The following HERC4 variants were observed in gnomAD, a reference collection of about 807,000 sequenced individuals.
HERC4 encodes probable E3 ubiquitin-protein ligase HERC4.
In HERC4, 28 loss-of-function variants were observed where a neutral mutation model predicts 124.3. The observed-to-expected ratio is 0.23, with a 90% CI of 0.17 to 0.31. The LOEUF (loss-of-function observed/expected upper bound fraction) is 0.31, where lower values mean the gene tolerates loss of function less well. Ranked by LOEUF, HERC4 falls within the 10% of genes least tolerant of loss-of-function variation. The pLI, the probability that HERC4 is intolerant of heterozygous loss-of-function variation, is 1.00. For missense variants in HERC4, 713 were observed against 1,229.3 expected (o/e 0.58, Z 6.28); for synonymous variants, 407 against 421.5 (o/e 0.97, Z 0.42).
At chr10:68,039,606 T>C in intron 4 of HERC4, 2 of 1,433,136 alleles carry the variant, frequency 1.4e-6, no homozygotes, top group East Asian at 2.5e-5. Flanking sequence ...CTGAGAGCTG[T>C]ACTGCTACAA....
chr10:67,952,354 G>A (rs1211043021), intron 19 of HERC4, among the ~76,000 whole-genome samples: 1 of 152,040 alleles, frequency 6.6e-6, no homozygotes, highest in Non-Finnish European at 1.5e-5. Context: ...CGCGACCTTG[G>A]CTCACTGCAA....
Position 68,014,041 on chromosome 10 carries a change from A to G in HERC4, c.1054T>C (p.Cys352Arg). The change falls in exon 9 of 25, where the codon TGT (cysteine) becomes CGT (arginine). Residue 352 changes from cysteine to arginine, a missense_variant. Transcript: ENST00000373700. ...CAGAACTTACCAATATCTGGTAGAC[A>G]CTGCCCATTATAGGGGTACCAATTT... ...KGNWYPYNGQ[C>R]LPDIDSEEYF... 1 of 1,608,836 alleles carries G rather than the reference A, an allele frequency of 6.2e-7. No individual in the cohort carries two copies. Among genetic ancestry groups the G allele is most frequent in the Non-Finnish European group, 8.5e-7 (1 of 1,178,218 alleles).
chr10:68,035,283 G>C (rs1281515667), intron 5 of HERC4, among the ~76,000 whole-genome samples: 1 of 151,874 alleles, frequency 6.6e-6, no homozygotes, highest in Non-Finnish European at 1.5e-5. Flanking sequence ...CTTCTGAGTA[G>C]CTGGGATTAC....
intron 4 of HERC4, among the ~76,000 whole-genome samples, chr10:68,041,255 C>A (rs910222422): frequency 2.0e-5 from 3 of 152,150 alleles, no homozygotes; most frequent in Middle Eastern, 6.9e-3. Context: ...AGTTAAGCCA[C>A]AACTTTCCTA....
At chr10:67,942,045 A>G (rs2032954655) in intron 19 of HERC4, among the ~76,000 whole-genome samples, 1 of 152,304 alleles carries the variant, frequency 6.6e-6, no homozygotes, top group Non-Finnish European at 1.5e-5. Context: ...GGATGCTTAG[A>G]TAACTGAAAC....
chr10:68,051,911 C>G (rs1041935107), intron 3 of HERC4, among the ~76,000 whole-genome samples: 3 of 151,782 alleles, frequency 2.0e-5, no homozygotes, highest in African/African-American at 4.8e-5. Context: ...TCAAGCAACA[C>G]GCCCGCCTCA....
At chr10:68,070,034 T>C in intron 3 of HERC4, 1 of 928,432 alleles carries the variant, frequency 1.1e-6, no homozygotes, top group Non-Finnish European at 1.3e-6. Flanking sequence ...AGAGTGAGAC[T>C]CTGTCTCAAA....
chr10:67,955,236 A>G (rs747833089), intron 17 of HERC4, 106 bp from the exon 18 acceptor site: 1 of 923,368 alleles, frequency 1.1e-6, no homozygotes, highest in Non-Finnish European at 1.6e-6. Context: ...TATAATTCCT[A>G]TGCTACTGAA....
At chr10:68,062,699 G>A (rs1241441743) in intron 3 of HERC4, among the ~76,000 whole-genome samples, 1 of 152,076 alleles carries the variant, frequency 6.6e-6, no homozygotes, top group Non-Finnish European at 1.5e-5. Context: ...GGCGGAGGTT[G>A]CAGTGAGCTG....
intron 9 of HERC4, among the ~76,000 whole-genome samples, chr10:68,002,477 C>T (rs2037287928): frequency 1.3e-5 from 2 of 151,296 alleles, no homozygotes; most frequent in Admixed American, 6.6e-5. Flanking sequence ...AGTAAATTAA[C>T]ATCAATGAAA....
chr10:68,012,346 C>T (rs1446009582), intron 9 of HERC4, among the ~76,000 whole-genome samples: 1 of 152,168 alleles, frequency 6.6e-6, no homozygotes, highest in African/African-American at 2.4e-5. Context: ...TTTGATATGC[C>T]TTCTTCACTA....
intron 3 of HERC4, chr10:68,069,973 C>T (rs535945856): frequency 1.0e-4 from 58 of 582,136 alleles, no homozygotes; most frequent in East Asian, 1.4e-4. Context: ...ACCTGGGAGG[C>T]GGAGGTTGCA....
At chr10:67,924,379 C>T (rs1017095866) in intron 24 of HERC4, among the ~76,000 whole-genome samples, 2 of 152,154 alleles carry the variant, frequency 1.3e-5, no homozygotes, top group Non-Finnish European at 2.9e-5. Context: ...TTTACACAAC[C>T]TAGACAGTAT....
chr10:67,946,900 C>G (rs2033406008), intron 19 of HERC4, among the ~76,000 whole-genome samples: 1 of 152,154 alleles, frequency 6.6e-6, no homozygotes, highest in African/African-American at 2.4e-5. Context: ...AGGCGAGACT[C>G]TGTCTCAAAA....
At chr10:67,949,709 C>T (rs2033655745) in intron 19 of HERC4, among the ~76,000 whole-genome samples, 1 of 152,152 alleles carries the variant, frequency 6.6e-6, no homozygotes, top group Non-Finnish European at 1.5e-5. Context: ...AAACAAACCA[C>T]ATGGTAATCT....
intron 9 of HERC4, among the ~76,000 whole-genome samples, chr10:68,002,174 A>AT (rs1164793105): frequency 6.8e-6 from 1 of 147,204 alleles, no homozygotes; most frequent in South Asian, 2.2e-4. Context: ...CCTTTTAATT[A>AT]TAAAAAAAAC....
chr10:67,990,740 G>A (rs2036507788), intron 13 of HERC4, among the ~76,000 whole-genome samples, 164 bp downstream of exon 13: 1 of 152,174 alleles, frequency 6.6e-6, no homozygotes, highest in East Asian at 1.9e-4. Context: ...AAGATTTATA[G>A]ATCTTTGACA....
At chr10:68,071,945 T>C (rs917970042) in intron 3 of HERC4, among the ~76,000 whole-genome samples, 2 of 152,198 alleles carry the variant, frequency 1.3e-5, no homozygotes, top group Non-Finnish European at 1.5e-5. Context: ...CGTGCCTTAA[T>C]TTAATGCCTG....
chr10:67,953,169 T>C (rs973405574), intron 19 of HERC4, among the ~76,000 whole-genome samples: 32 of 152,196 alleles, frequency 2.1e-4, no homozygotes, highest in African/African-American at 7.2e-4. Flanking sequence ...TTTTGTAGAT[T>C]TGACTTTGGA....
Sources: allele counts gnomAD v4.1 joint callset (sites outside exome capture counted in the v4.1 genomes callset), GRCh38; gene constraint gnomAD v4.1.1; transcripts MANE v1.5; gene names NCBI Gene and HGNC (gene_info 2026-07-23, HGNC 2026-07-21).